Variants in ACACB observed in about 807,000 individuals in gnomAD.
The protein encoded by ACACB is acetyl-CoA carboxylase 2.
In ACACB, 209 loss-of-function variants were observed where a neutral mutation model predicts 278.8. The observed-to-expected ratio is 0.75, with a 90% CI of 0.67 to 0.84. The LOEUF is 0.84. ACACB is among the 40% of genes least tolerant of loss of function. ACACB has a pLI of 0.00. For synonymous variants in ACACB, 1,174 were observed against 1,285.6 expected (o/e 0.91, Z 1.86); for missense variants, 2,850 against 3,269.0 (o/e 0.87, Z 3.13).
chr12:109,220,756 T>C (rs1036112098), intron 24 of ACACB, among the ~76,000 whole-genome samples: 3 of 152,206 alleles, frequency 2.0e-5, no homozygotes, highest in African/African-American at 7.2e-5. Flanking sequence ...GGTTTTGCCA[T>C]GTTGGCCAGG....
intron 24 of ACACB, among the ~76,000 whole-genome samples, chr12:109,222,086 T>C (rs989823343): frequency 6.6e-6 from 1 of 150,932 alleles, no homozygotes; most frequent in Non-Finnish European, 1.5e-5. Context: ...AGAGACAAGG[T>C]TTTGCGCTGT....
chr12:109,265,930 C>T (rs2047506879), intron 52 of ACACB, among the ~76,000 whole-genome samples: 1 of 152,252 alleles, frequency 6.6e-6, no homozygotes, highest in Non-Finnish European at 1.5e-5. Context: ...ATGGGGTCAC[C>T]CCGTGAAGGA....
chr12:109,183,550 A>G (rs2044551146), intron 11 of ACACB, among the ~76,000 whole-genome samples: 1 of 152,158 alleles, frequency 6.6e-6, no homozygotes, highest in African/African-American at 2.4e-5. Flanking sequence ...GCTATCATAA[A>G]TGGAATTACT....
At chr12:109,196,331 G>A (rs941117786) in intron 16 of ACACB, among the ~76,000 whole-genome samples, 1 of 152,142 alleles carries the variant, frequency 6.6e-6, no homozygotes, top group Admixed American at 6.6e-5. Context: ...AGACTGAGTG[G>A]CTTCTAAACC....
At chr12:109,234,420 A>T (rs552818140) in intron 31 of ACACB, among the ~76,000 whole-genome samples, 1 of 152,320 alleles carries the variant, frequency 6.6e-6, no homozygotes, top group Admixed American at 6.5e-5. Flanking sequence ...GTGTGCCAAT[A>T]ACAGCAGGTT....
upstream of ACACB, chr12:109,113,145 T>C (rs1211585574): frequency 6.6e-6 from 1 of 152,238 alleles, no homozygotes; most frequent in East Asian, 1.9e-4. Flanking sequence ...TGCAGACCCC[T>C]GTGTGTACTC....
At chr12:109,167,621 G>GTGTATATATA (rs1555210640) in intron 3 of ACACB, among the ~76,000 whole-genome samples, 10 of 77,526 alleles carry the variant, frequency 1.3e-4, no homozygotes, top group Non-Finnish European at 2.4e-4. Context: ...ATATGTATGT[G>GTGTATATATA]TATATATATA....
chr12:109,183,862 T>A (rs2044561380), intron 11 of ACACB, among the ~76,000 whole-genome samples: 1 of 151,696 alleles, frequency 6.6e-6, no homozygotes, highest in Non-Finnish European at 1.5e-5. Context: ...CTGGTCTCCC[T>A]CCCTTCCTCT....
chr12:109,134,397 GC>G (rs1465016291), intron 1 of ACACB, among the ~76,000 whole-genome samples: 1 of 152,150 alleles, frequency 6.6e-6, no homozygotes, highest in East Asian at 1.9e-4. Flanking sequence ...GGTTTAGAGG[GC>G]CCCGTATGCC....
chr12:109,165,579 A>C (rs1236807576), intron 2 of ACACB, among the ~76,000 whole-genome samples: 1 of 152,216 alleles, frequency 6.6e-6, no homozygotes, highest in Admixed American at 6.5e-5. Flanking sequence ...AAGGAAAAAA[A>C]TCATTAACTC....
At chr12:109,222,098 G>A (rs1011991333) in intron 24 of ACACB, among the ~76,000 whole-genome samples, 1 of 151,370 alleles carries the variant, frequency 6.6e-6, no homozygotes, top group African/African-American at 2.4e-5. Context: ...TTGCGCTGTT[G>A]CCCAGGCTGG....
At chr12:109,166,661 A>C (rs2043908558) in intron 2 of ACACB, among the ~76,000 whole-genome samples, 200 bp from the exon 3 acceptor site, 2 of 142,178 alleles carry the variant, frequency 1.4e-5, no homozygotes, top group African/African-American at 5.1e-5. Context: ...AAAAAAAAAA[A>C]AAAAAAAAAA....
At position 109,162,919 on chromosome 12, in the gene ACACB, T is replaced by C. The variant is rs553386782; in HGVS notation, c.654-3942T>C. Reference sequence around the variant, plus strand: ...AGGCTTCCCTGACATTTGGGTTCAGTTTCTTTTTCTTTTTCTTTTTTGAGA... The same window carrying C: ...AGGCTTCCCTGACATTTGGGTTCAGCTTCTTTTTCTTTTTCTTTTTTGAGA... On this transcript the variant is annotated intron_variant, in intron 2 of 52. Transcript: ENST00000338432. Among the ~76,000 whole-genome samples, 4 of 152,182 alleles carry C rather than the reference T, an allele frequency of 2.6e-5. No individual in the cohort carries two copies. The South Asian group carries it at 8.3e-4, about 32-fold the overall frequency.
chr12:109,179,363 C>A, intron 10 of ACACB, 66 bp downstream of exon 10: 1 of 1,512,606 alleles, frequency 6.6e-7, no homozygotes, highest in Non-Finnish European at 9.0e-7. Context: ...TCAGGAAGAA[C>A]TTTCTACGGT....
rs1193064359 is a variant in ACACB at position 109,262,464 on chromosome 12, A to C, written c.6782A>C (p.Gln2261Pro). 1 of 1,612,250 alleles carries C rather than the reference A, an allele frequency of 6.2e-7. No individual in the cohort carries two copies. Among genetic ancestry groups the C allele is most frequent in the Non-Finnish European group, 8.5e-7 (1 of 1,178,834 alleles). ...IDPAYKKLME[Q>P]LGEPDLSDKD... ...CCAGCTTACAAGAAGCTCATGGAACAGCTAGGTAAGGGGGTCCCAAAGGCT... is the reference window on the plus strand; with the variant it reads ...CCAGCTTACAAGAAGCTCATGGAACCGCTAGGTAAGGGGGTCCCAAAGGCT... The change falls in exon 49 of 53, where the codon CAG (glutamine) becomes CCG (proline). Residue 2261 changes from glutamine (Q) to proline (P), a missense_variant. By Grantham distance (76) the Gln-to-Pro change is moderately conservative. This residue lies in a region of ACACB where 579 missense variants were observed against 684.6 expected (regional missense o/e 0.85). Coordinates refer to ENST00000338432, the MANE Select transcript of ACACB (RefSeq NM_001093.4).
chr12:109,258,237 A>G, intron 45 of ACACB, 31 bp from the exon 46 acceptor site: 2 of 1,584,880 alleles, frequency 1.3e-6, no homozygotes, highest in Non-Finnish European at 1.7e-6. Flanking sequence ...GGTGCTGCCC[A>G]GGGCCTGGCT....
At chr12:109,218,511 A>G (rs1376400599) in intron 24 of ACACB, among the ~76,000 whole-genome samples, 1 of 152,192 alleles carries the variant, frequency 6.6e-6, no homozygotes. Flanking sequence ...GGCATAAGCC[A>G]CTGCGCCTGG....
intron 7 of ACACB, among the ~76,000 whole-genome samples, chr12:109,175,078 T>G (rs1408944361): frequency 6.6e-6 from 1 of 152,220 alleles, no homozygotes; most frequent in Non-Finnish European, 1.5e-5. Flanking sequence ...TAAAAAATAT[T>G]CAAAGGAATG....
chr12:109,246,056 C>T, intron 38 of ACACB, 123 bp from the exon 39 acceptor site: 1 of 1,201,614 alleles, frequency 8.3e-7, no homozygotes, highest in East Asian at 2.6e-5. Context: ...CACCACTGCA[C>T]TCTGGCCTGC....
Sources: gnomAD v4.1 joint callset for allele counts (sites outside exome capture counted in the v4.1 genomes callset) on GRCh38, gnomAD v4.1.1 for gene constraint, gnomAD v4.1.1 regional missense constraint, MANE v1.5 for transcripts, NCBI Gene and HGNC (gene_info 2026-07-23, HGNC 2026-07-21) for gene names.